The following SLC45A4 variants were observed in gnomAD, a reference collection of about 807,000 sequenced individuals.
The protein encoded by SLC45A4 is polyamine-transporter SLC45A4.
SLC45A4 carries 32 observed loss-of-function variants against 63.7 expected under a neutral mutation model. That is an observed-to-expected ratio of 0.50 (90% CI 0.38 to 0.67). SLC45A4 has a LOEUF of 0.67. SLC45A4 is among the 30% of genes least tolerant of loss of function. The pLI is 0.00. For missense variants in SLC45A4, 1,027 were observed against 1,157.7 expected (o/e 0.89, Z 1.64); for synonymous variants, 535 against 510.0 (o/e 1.05, Z -0.66).
At chr8:141,220,250 G>A (rs922978929) in intron 3 of SLC45A4, among the ~76,000 whole-genome samples, 1 of 152,202 alleles carries the variant, frequency 6.6e-6, no homozygotes, top group Non-Finnish European at 1.5e-5. Context: ...ACAACCCGCA[G>A]GGGACACTGA....
intron 1 of SLC45A4, among the ~76,000 whole-genome samples, chr8:141,288,399 C>T (rs769185488): frequency 2.1e-4 from 32 of 152,216 alleles, no homozygotes; most frequent in Admixed American, 9.8e-4. Flanking sequence ...GCAAGCGCAT[C>T]GGTACGCCAC....
Position 141,215,723 on chromosome 8 carries a change from G to A in SLC45A4, c.1941+36C>T, listed in dbSNP as rs759413203. ...TGTATGGAGGGAAGGCACTCAGGAG[G>A]CTGGAGCGCAGATCTCAGGGCTACG... On this transcript the variant is annotated intron_variant, in intron 7 of 8. Coordinates refer to ENST00000517878, the MANE Select transcript of SLC45A4 (RefSeq NM_001286646.2). This position sits in a 1 kb window ranked among gnomAD's most constrained non-coding sequence, Gnocchi z 4.3. 3 of 1,598,502 alleles carry A rather than the reference G, an allele frequency of 1.9e-6. No homozygotes were observed. The highest frequency in any genetic ancestry group is 2.2e-5 in the South Asian group (2 of 90,848).
chr8:141,246,356 G>A (rs1828193350), intron 2 of SLC45A4, among the ~76,000 whole-genome samples: 1 of 152,218 alleles, frequency 6.6e-6, no homozygotes, highest in Non-Finnish European at 1.5e-5. Flanking sequence ...GCACAGCTCT[G>A]CGGGGTGGCT....
At chr8:141,307,930 C>A (rs1477883361) in intron 1 of SLC45A4, among the ~76,000 whole-genome samples, 166 bp downstream of exon 1, 2 of 149,254 alleles carry the variant, frequency 1.3e-5, no homozygotes, top group Non-Finnish European at 3.0e-5. Flanking sequence ...GGTGGGGGCA[C>A]GTCCCCTCCC....
At chr8:141,244,642 G>A (rs1362602406) in intron 2 of SLC45A4, among the ~76,000 whole-genome samples, 1 of 152,184 alleles carries the variant, frequency 6.6e-6, no homozygotes, top group Non-Finnish European at 1.5e-5. Flanking sequence ...CAGGCCAGGC[G>A]GATGTGAGCA....
chr8:141,228,311 A>G, intron 2 of SLC45A4: 2 of 1,606,214 alleles, frequency 1.2e-6, no homozygotes, highest in Non-Finnish European at 8.5e-7. Context: ...CCTCCCAGCA[A>G]CTCCCAGGGG....
chr8:141,273,130 T>C (rs151032464), intron 1 of SLC45A4, among the ~76,000 whole-genome samples: 11 of 152,316 alleles, frequency 7.2e-5, no homozygotes, highest in Non-Finnish European at 1.2e-4. Flanking sequence ...AAAGAAAATA[T>C]TCTCCGCGCC....
chr8:141,278,511 G>A lies in SLC45A4; in HGVS notation c.-400-23882C>T, dbSNP rs1220560703. Among the ~76,000 whole-genome samples the A allele has an allele frequency of 2.6e-5, 4 of 151,842 alleles. No individual in the cohort carries two copies. Among genetic ancestry groups the A allele is most frequent in the Admixed American group, 2.0e-4 (3 of 15,294 alleles). On this transcript the variant is annotated intron_variant, in intron 1 of 8. Transcript: ENST00000517878. The surrounding 1 kb of genome is among the most constrained non-coding windows in gnomAD (Gnocchi z 4.1). ...GGTGAGCACCTGTGGTGGAGGCGGGGCGGGCGGCCGACCCACGAGGACACT... is the reference window on the plus strand; with the variant it reads ...GGTGAGCACCTGTGGTGGAGGCGGGACGGGCGGCCGACCCACGAGGACACT...
At chr8:141,293,392 T>C (rs542987809) in intron 1 of SLC45A4, among the ~76,000 whole-genome samples, 34 of 152,136 alleles carry the variant, frequency 2.2e-4, no homozygotes, top group African/African-American at 7.0e-4. Context: ...AGGCAGAGAT[T>C]GCAGTGAACC....
rs1410289376 is a variant in SLC45A4, at chr8:141,215,229, T to C, written c.1941+530A>G. ...ATGTGTGATGTGCTGTGATGTAACA[T>C]ACACACAATTTCAACGATGAGCAAG... On this transcript the variant is annotated intron_variant, in intron 7 of 8. Transcript: ENST00000517878. This position sits in a 1 kb window ranked among gnomAD's most constrained non-coding sequence, Gnocchi z 4.3. 2.0e-5 allele frequency among the ~76,000 whole-genome samples: 3 copies of C among 152,236 alleles called. No individual in the cohort carries two copies. Among genetic ancestry groups the C allele is most frequent in the Non-Finnish European group, 4.4e-5 (3 of 68,040 alleles).
chr8:141,303,434 C>T (rs1440031184), intron 1 of SLC45A4, among the ~76,000 whole-genome samples: 1 of 143,944 alleles, frequency 6.9e-6, no homozygotes, highest in Non-Finnish European at 1.5e-5. Context: ...GCCTCTGTGC[C>T]CAGCCTGAGT....
In SLC45A4 at chr8:141,219,282, G is replaced by A. The variant is rs376855677; in HGVS notation, c.611-253C>T. Among the ~76,000 whole-genome samples, 20 of 152,390 alleles carry A rather than the reference G, an allele frequency of 1.3e-4. No individual in the cohort carries two copies. The South Asian group carries it at 2.3e-3, about 17-fold the overall frequency. ...TACCCCAGGACGGATGCAAGTGTGC[G>A]CCTCTCTGCACTGAAGGGCATTCCC... is the stretch of plus-strand genomic sequence containing the variant. On this transcript the variant is annotated intron_variant, in intron 4 of 8. Coordinates refer to ENST00000517878, the MANE Select transcript of SLC45A4 (RefSeq NM_001286646.2).
At chr8:141,237,871 T>TA (rs1214023434) in intron 2 of SLC45A4, among the ~76,000 whole-genome samples, 1 of 152,210 alleles carries the variant, frequency 6.6e-6, no homozygotes, top group African/African-American at 2.4e-5. Context: ...AGGTGCTCCG[T>TA]AAGTACTTGA....
In SLC45A4 at chr8:141,253,976, G is replaced by T. The variant is rs1277314058; in HGVS notation, c.241+13C>A. 1 of 1,535,784 alleles carries T rather than the reference G, an allele frequency of 6.5e-7. No homozygotes were observed. Among genetic ancestry groups the T allele is most frequent in the East Asian group, 2.4e-5 (1 of 40,922 alleles). On this transcript the variant is annotated intron_variant, in intron 2 of 8. Coordinates refer to ENST00000517878, the MANE Select transcript of SLC45A4 (RefSeq NM_001286646.2). ...CTCAGCGTTCACTGCGCACAGACGG[G>T]GAGGAGACTTACCAATCTGCAACAG... is the stretch of plus-strand genomic sequence containing the variant.
intron 2 of SLC45A4, among the ~76,000 whole-genome samples, chr8:141,236,568 T>C (rs547925055): frequency 6.6e-6 from 1 of 152,248 alleles, no homozygotes; most frequent in African/African-American, 2.4e-5. Flanking sequence ...TAGTTACACA[T>C]GTACCTATCC....
intron 4 of SLC45A4, 25 bp downstream of exon 4, chr8:141,219,624 AC>A: frequency 6.3e-7 from 1 of 1,583,906 alleles, no homozygotes. Flanking sequence ...GAACCCGGCC[AC>A]CCAGCCTTGG....
intron 6 of SLC45A4, among the ~76,000 whole-genome samples, chr8:141,216,244 A>G (rs998667429): frequency 3.3e-5 from 5 of 152,156 alleles, no homozygotes; most frequent in African/African-American, 4.8e-5. Flanking sequence ...TGCAGCTCCC[A>G]GGGGCCCCCT....
intron 1 of SLC45A4, among the ~76,000 whole-genome samples, chr8:141,266,615 G>C (rs1309696554): frequency 6.6e-6 from 1 of 152,174 alleles, no homozygotes; most frequent in African/African-American, 2.4e-5. Context: ...TGTGTCAAGG[G>C]AAGAAGACGA....
chr8:141,291,840 C>T (rs1476048631), intron 1 of SLC45A4, among the ~76,000 whole-genome samples: 2 of 152,178 alleles, frequency 1.3e-5, no homozygotes, highest in African/African-American at 4.8e-5. Flanking sequence ...ACAGACCCAG[C>T]CAAGGAAAGA....
Sources: gnomAD v4.1 joint callset for allele counts (sites outside exome capture counted in the v4.1 genomes callset) on GRCh38, gnomAD v4.1.1 for gene constraint, Gnocchi (gnomAD v3.1) non-coding constraint, MANE v1.5 for transcripts, NCBI Gene and HGNC (gene_info 2026-07-23, HGNC 2026-07-21) for gene names.